Variants in WDR31 observed in about 807,000 individuals in gnomAD.
WDR31 encodes the protein WD repeat-containing protein 31.
In WDR31, 30 loss-of-function variants were observed where a neutral mutation model predicts 47.3. The observed-to-expected ratio is 0.63, with a 90% CI of 0.47 to 0.86. The LOEUF is 0.86. WDR31 is among the 40% of genes least tolerant of loss of function. The pLI is 0.00. For missense variants in WDR31, 406 were observed against 442.9 expected, an observed-to-expected ratio of 0.92 and a Z score of 0.75; for synonymous variants, 137 against 159.4, an observed-to-expected ratio of 0.86 and a Z score of 1.06.
chr9:113,330,346 C>G (rs1033707390), intron 4 of WDR31, among the ~76,000 whole-genome samples: 1 of 152,204 alleles, frequency 6.6e-6, no homozygotes, highest in Non-Finnish European at 1.5e-5. Context: ...AGTGATCCGC[C>G]TGCCTTGGCC....
At chr9:113,335,972 T>C (rs918797398) in intron 2 of WDR31, among the ~76,000 whole-genome samples, 16 of 152,220 alleles carry the variant, frequency 1.1e-4, no homozygotes, top group Non-Finnish European at 2.4e-4. Flanking sequence ...CTTCAGATAT[T>C]CCAGGATTTT....
rs772212634 is a variant in WDR31, at chr9:113,322,845, T to C, written c.536A>G (p.Gln179Arg). The C allele has an allele frequency of 2.5e-6, 4 of 1,614,172 alleles. No individual in the cohort carries two copies. The highest frequency in any genetic ancestry group is 3.4e-6 in the Non-Finnish European group (4 of 1,180,024). Residue 179 changes from glutamine to arginine, a missense_variant, in exon 7 of 11, where the codon CAG (glutamine) becomes CGG (arginine). Gln to Arg is a conservative substitution (Grantham distance 43). Coordinates refer to ENST00000374193, the MANE Select transcript of WDR31 (RefSeq NM_001012361.4). ...TLLLWDVVTG[Q>R]SVERASVSRN... is the part of the protein sequence containing the mutation. ...GGAGACAGATGCTCTTTCCACACTC[T>C]GTCCTGTCACCACATCCCACAGAAG...
chr9:113,322,669 G>T, intron 7 of WDR31, 142 bp downstream of exon 7: 1 of 680,734 alleles, frequency 1.5e-6, no homozygotes, highest in Non-Finnish European at 2.5e-6. Flanking sequence ...GAGAGGCCAG[G>T]GTCTCACAGC....
intron 3 of WDR31, 26 bp from the exon 4 acceptor site, chr9:113,331,142 A>G: frequency 1.5e-6 from 1 of 680,276 alleles, no homozygotes. Flanking sequence ...AAAATGAGAG[A>G]CCCAATGGCA....
At chr9:113,329,745 G>A (rs1030234864) in intron 4 of WDR31, among the ~76,000 whole-genome samples, 11 of 151,698 alleles carry the variant, frequency 7.3e-5, no homozygotes, top group South Asian at 4.1e-4. Context: ...AGGCTGAGGC[G>A]GGCGGATCAC....
intron 7 of WDR31, 33 bp from the exon 8 acceptor site, chr9:113,321,611 C>T (rs1252115018): frequency 1.3e-6 from 2 of 1,595,448 alleles, no homozygotes; most frequent in Admixed American, 1.7e-5. Context: ...AACTTCTCCA[C>T]ACCAAGTCAT....
At chr9:113,324,828 A>ATGTGTGTGTGTGTG (rs57088850) in intron 5 of WDR31, among the ~76,000 whole-genome samples, 2 of 138,108 alleles carry the variant, frequency 1.4e-5, no homozygotes, top group African/African-American at 5.4e-5. Context: ...ATATATATAT[A>ATGTGTGTGTGTGTG]TGTGTGTGTG....
intron 5 of WDR31, among the ~76,000 whole-genome samples, chr9:113,324,917 T>C (rs949175846): frequency 6.6e-6 from 1 of 151,716 alleles, no homozygotes; most frequent in African/African-American, 2.4e-5. Flanking sequence ...ACTTTCAATC[T>C]TAAAGCTGTT....
In WDR31 at chr9:113,331,063, T is replaced by C. The variant is rs1177176634; in HGVS notation, c.170A>G (p.Tyr57Cys). 1.9e-6 allele frequency: 3 copies of C among 1,609,768 alleles called. No homozygotes were observed. The South Asian group carries it at 3.3e-5, about 18-fold the overall frequency. ...ERIQTKAFQE[Y>C]SPAHMDTVSV... ...GACGGTATCCATGTGAGCTGGGCTA[T>C]ACTCTTGAAAAGCTTTAGTTTGAAT... Residue 57 changes from tyrosine (Y) to cysteine (C), a missense_variant, in exon 4 of 11, where the codon TAT (tyrosine) becomes TGT (cysteine). Physicochemically the swap from Tyr to Cys is radical, Grantham distance 194 (BLOSUM62 -2). Transcript: ENST00000374193.
In WDR31 at chr9:113,316,814, CT is replaced by C; in HGVS notation, c.1038del (p.Gly347GlufsTer48). On this transcript the variant is annotated frameshift_variant, in exon 11 of 11. Coordinates refer to ENST00000374193, the MANE Select transcript of WDR31 (RefSeq NM_001012361.4). LOFTEE classifies it high-confidence loss of function. Reference protein sequence around the residue: ...AISLLCASFNRGIHLLRMDHS... With the variant: ...AISLLCASFNXGIHLLRMDHS... Reference sequence around the variant, plus strand: ...TGGTCCATTCTGAGTAAGTGAATTCCTCTGTTAAAACTTGCACACAATAAGG... The same window carrying C: ...TGGTCCATTCTGAGTAAGTGAATTCCCTGTTAAAACTTGCACACAATAAGG... 6.2e-7 allele frequency: 1 copy of C among 1,614,134 alleles called. No homozygotes were observed. Among genetic ancestry groups the C allele is most frequent in the Non-Finnish European group, 8.5e-7 (1 of 1,180,032 alleles).
intron 1 of WDR31, among the ~76,000 whole-genome samples, chr9:113,336,905 T>C (rs978610778): frequency 5.9e-5 from 9 of 152,242 alleles, no homozygotes; most frequent in Non-Finnish European, 1.5e-5. Context: ...AGAATAAGGA[T>C]AGAAATATTA....
At chr9:113,332,704 T>A (rs1564312905) in intron 2 of WDR31, among the ~76,000 whole-genome samples, 2 of 151,698 alleles carry the variant, frequency 1.3e-5, no homozygotes, top group African/African-American at 2.4e-5. Context: ...CAGAGTATCT[T>A]AATAGGCTAG....
At chr9:113,324,137 A>G (rs1468755644) in intron 5 of WDR31, among the ~76,000 whole-genome samples, 9 of 152,062 alleles carry the variant, frequency 5.9e-5, no homozygotes, top group Admixed American at 5.9e-4. Context: ...AACCATCACC[A>G]CTATCATCTC....
chr9:113,326,874 T>C (rs930433370), intron 5 of WDR31, among the ~76,000 whole-genome samples: 4 of 152,162 alleles, frequency 2.6e-5, no homozygotes, highest in Admixed American at 2.0e-4. Flanking sequence ...TCTTGCTCTG[T>C]CGCCAAGGCT....
intron 8 of WDR31, 98 bp from the exon 9 acceptor site, chr9:113,320,596 T>C: frequency 1.4e-6 from 2 of 1,450,574 alleles, no homozygotes; most frequent in African/African-American, 2.8e-5. Flanking sequence ...CTTTGCTGCA[T>C]AGGCCAGTCA....
In WDR31 at chr9:113,313,541, T is replaced by A. The variant is rs888476919; in HGVS notation, c.*3208A>T. Reference sequence around the variant, plus strand: ...CTTGAAGATACAAACAATGTCATGGTCTATGACTTTGTGACACGATGCAAA... The same window carrying A: ...CTTGAAGATACAAACAATGTCATGGACTATGACTTTGTGACACGATGCAAA... On this transcript the variant is annotated 3_prime_UTR_variant, in exon 11 of 11. Transcript: ENST00000374193. The A allele has an allele frequency of 6.6e-6, 1 of 152,226 alleles. No individual in the cohort carries two copies. The highest frequency in any genetic ancestry group is 1.5e-5 in the Non-Finnish European group (1 of 68,038). 9.4% of individuals were successfully genotyped at this position (152,226 alleles called of 1,614,324 possible). A position where few individuals can be genotyped will look rare whatever the true frequency, so the allele number is the denominator to read the frequency against.
chr9:113,321,519 T>G lies in WDR31; in HGVS notation c.630A>C (p.Lys210Asn), dbSNP rs1417046712. ...EPYILQTSED[K>N]TLRLWDSRGL... ...CTGCTCAGTAAGCCCACCTGAGGGT[T>G]TTATCTTCAGAGGTCTGTAGTATGT... Residue 210 changes from lysine (K) to asparagine (N), a missense_variant, in exon 8 of 11, where the codon AAA becomes AAC. Lys to Asn is a moderately conservative substitution (Grantham distance 94). Transcript: ENST00000374193. The G allele has an allele frequency of 1.2e-6, 2 of 1,614,090 alleles. No homozygotes were observed. Among genetic ancestry groups the G allele is most frequent in the Non-Finnish European group, 1.7e-6 (2 of 1,180,004 alleles).
At chr9:113,323,238 T>C in intron 5 of WDR31, 83 bp from the exon 6 acceptor site, 1 of 1,479,534 alleles carries the variant, frequency 6.8e-7, no homozygotes, top group Non-Finnish European at 9.2e-7. Flanking sequence ...AAGATGAGTC[T>C]GCATAACTCC....
At chr9:113,336,860 A>G (rs1406042741) in intron 1 of WDR31, among the ~76,000 whole-genome samples, 1 of 152,210 alleles carries the variant, frequency 6.6e-6, no homozygotes, top group African/African-American at 2.4e-5. Flanking sequence ...TATTTGCTCA[A>G]AATTATAACT....
Sources: allele counts gnomAD v4.1 joint callset (sites outside exome capture counted in the v4.1 genomes callset), GRCh38; gene constraint gnomAD v4.1.1; transcripts MANE v1.5; gene names NCBI Gene and HGNC (gene_info 2026-07-23, HGNC 2026-07-21).